GABRB2: variants seen among roughly 807,000 people sequenced by gnomAD.
GABRB2 encodes gamma-aminobutyric acid receptor subunit beta-2.
A neutral mutation model predicts 54.7 loss-of-function variants in GABRB2; 16 were observed. The ratio of observed to expected loss-of-function variants is 0.29; its 90% CI spans 0.20 to 0.44. GABRB2 has a LOEUF of 0.44. GABRB2 is among the 20% of genes least tolerant of loss of function. GABRB2 has a pLI of 1.00. For synonymous variants in GABRB2, 244 were observed against 233.8 expected (o/e 1.04, Z -0.40); for missense variants, 355 against 644.0 (o/e 0.55, Z 4.86).
chr5:161,506,216 G>A (rs954635424), intron 3 of GABRB2, among the ~76,000 whole-genome samples: 1 of 151,868 alleles, frequency 6.6e-6, no homozygotes, highest in Non-Finnish European at 1.5e-5. Flanking sequence ...TTTAACAAAT[G>A]GGCAAAACCT....
intron 9 of GABRB2, among the ~76,000 whole-genome samples, chr5:161,323,190 T>G (rs1758263940): frequency 1.3e-5 from 2 of 152,066 alleles, no homozygotes. Flanking sequence ...CCCAGCTAAT[T>G]TTTTGTATCT....
intron 5 of GABRB2, among the ~76,000 whole-genome samples, chr5:161,360,096 G>A (rs538349863): frequency 4.0e-5 from 6 of 148,306 alleles, no homozygotes; most frequent in Non-Finnish European, 6.0e-5. Context: ...AAAAAAAATT[G>A]TAAAAAGATT....
intron 3 of GABRB2, among the ~76,000 whole-genome samples, chr5:161,537,725 C>T (rs1160194626): frequency 2.0e-5 from 3 of 152,124 alleles, no homozygotes. Context: ...TCTGTTCATG[C>T]AATTCTATTG....
At position 161,331,142 on chromosome 5, in the gene GABRB2, G is replaced by A; in HGVS notation, c.833-15C>T. 1 of 1,531,260 alleles carries A rather than the reference G, an allele frequency of 6.5e-7. No individual in the cohort carries two copies. The highest frequency in any genetic ancestry group is 8.8e-7 in the Non-Finnish European group (1 of 1,139,336). 94.9% of individuals were successfully genotyped at this position (1,531,260 alleles called of 1,614,324 possible). A position where few individuals can be genotyped will look rare whatever the true frequency, so the allele number is the denominator to read the frequency against. On this transcript the variant is annotated splice_polypyrimidine_tract_variant and intron_variant, in intron 7 of 9. Coordinates refer to ENST00000393959, the MANE Select transcript of GABRB2 (RefSeq NM_001371727.1). ...AGTTGTGATTCCTGAAAAAAAATGGGAGAGTTAGAGTAATAATGTTCCTAT... is the reference window on the plus strand; with the variant it reads ...AGTTGTGATTCCTGAAAAAAAATGGAAGAGTTAGAGTAATAATGTTCCTAT...
chr5:161,368,396 C>T (rs1367693398), intron 5 of GABRB2, among the ~76,000 whole-genome samples: 1 of 152,136 alleles, frequency 6.6e-6, no homozygotes, highest in Non-Finnish European at 1.5e-5. Flanking sequence ...TGGAATAACA[C>T]ATTCAGCAAG....
rs143111724 is a variant in GABRB2, at chr5:161,307,881, C to A, written c.1192-13453G>T. On this transcript the variant is annotated intron_variant, in intron 9 of 9. Transcript: ENST00000393959. ...ACTAATTCTTTTTTTTTTTTTTTGA[C>A]CGAGTCTCGCTCTGTTGCCCAGGCT... 7.2e-3 allele frequency among the ~76,000 whole-genome samples: 1,024 copies of A among 143,064 alleles called. 8 individuals are homozygous for A. The highest frequency in any genetic ancestry group is 0.013 in the Non-Finnish European group (824 of 65,494). 93.9% of individuals were successfully genotyped at this position (143,064 alleles called of 152,430 possible).
intron 5 of GABRB2, among the ~76,000 whole-genome samples, chr5:161,396,794 TA>T (rs1166813848): frequency 1.3e-5 from 2 of 152,166 alleles, no homozygotes; most frequent in Non-Finnish European, 2.9e-5. Flanking sequence ...AATAAAGTTA[TA>T]AAAAATAGCT....
chr5:161,430,276 C>T (rs1332693445), intron 4 of GABRB2, among the ~76,000 whole-genome samples: 1 of 152,190 alleles, frequency 6.6e-6, no homozygotes, highest in African/African-American at 2.4e-5. Context: ...GCCAGGATAT[C>T]TATGAGGTTT....
intron 9 of GABRB2, among the ~76,000 whole-genome samples, chr5:161,312,041 T>C (rs189504258): frequency 6.6e-6 from 1 of 152,012 alleles, no homozygotes; most frequent in Admixed American, 6.6e-5. Context: ...TGTGTGTGTG[T>C]GTGCTCCCCT....
chr5:161,497,496 C>T (rs1479140215), intron 3 of GABRB2, among the ~76,000 whole-genome samples: 1 of 150,142 alleles, frequency 6.7e-6, no homozygotes, highest in African/African-American at 2.5e-5. Flanking sequence ...AAATGCATTG[C>T]CATTTTGGAC....
chr5:161,462,798 T>C (rs1429361685), intron 3 of GABRB2, among the ~76,000 whole-genome samples: 4 of 152,156 alleles, frequency 2.6e-5, no homozygotes, highest in South Asian at 2.1e-4. Context: ...ATCATGACAC[T>C]GTCAAGAAAG....
chr5:161,446,581 T>G (rs183642401), intron 4 of GABRB2, among the ~76,000 whole-genome samples: 1 of 152,242 alleles, frequency 6.6e-6, no homozygotes, highest in African/African-American at 2.4e-5. Flanking sequence ...TTGGAACCTA[T>G]CCCCATCTTT....
At chr5:161,375,469 C>G (rs1264053471) in intron 5 of GABRB2, among the ~76,000 whole-genome samples, 1 of 152,140 alleles carries the variant, frequency 6.6e-6, no homozygotes, top group Non-Finnish European at 1.5e-5. Flanking sequence ...GCATTTCCTA[C>G]TTCTCTCATG....
intron 4 of GABRB2, among the ~76,000 whole-genome samples, chr5:161,452,629 A>T (rs1014076444): frequency 6.6e-6 from 1 of 152,114 alleles, no homozygotes; most frequent in Non-Finnish European, 1.5e-5. Context: ...AGAAGCACAA[A>T]CCCCAGCATT....
At chr5:161,515,989 G>A (rs1004823897) in intron 3 of GABRB2, among the ~76,000 whole-genome samples, 5 of 152,130 alleles carry the variant, frequency 3.3e-5, no homozygotes, top group African/African-American at 9.7e-5. Context: ...GCTTCATGGA[G>A]GTTTGTCAAG....
chr5:161,357,936 A>C (rs546645359), intron 5 of GABRB2, among the ~76,000 whole-genome samples: 14 of 147,124 alleles, frequency 9.5e-5, no homozygotes, highest in Non-Finnish European at 2.0e-4. Flanking sequence ...TTAATACACA[A>C]AGCTTGGCAT....
intron 3 of GABRB2, among the ~76,000 whole-genome samples, chr5:161,479,277 G>A: frequency 6.6e-6 from 1 of 152,102 alleles, no homozygotes; most frequent in East Asian, 1.9e-4. Flanking sequence ...GCACAAACAG[G>A]CCAGGATTGT....
intron 5 of GABRB2, among the ~76,000 whole-genome samples, chr5:161,342,893 A>C (rs556002538): frequency 6.6e-6 from 1 of 152,138 alleles, no homozygotes; most frequent in Non-Finnish European, 1.5e-5. Context: ...GGGAAGCAGC[A>C]TGATTGAATG....
rs148119731 is a variant in GABRB2, at chr5:161,412,057, G to A, written c.459-1000C>T. On this transcript the variant is annotated intron_variant, in intron 4 of 9. Coordinates refer to ENST00000393959, the MANE Select transcript of GABRB2 (RefSeq NM_001371727.1). ...ACTTTAGCTTACTGTAGTGTGAGGG[G>A]CACTATACTATGTGTTGGGAACACA... Among the ~76,000 whole-genome samples the A allele has an allele frequency of 5.2e-3, 795 of 152,234 alleles. 1 individual carries two copies. Among genetic ancestry groups the A allele is most frequent in the Middle Eastern group, 0.014 (4 of 294 alleles).
Sources: allele counts gnomAD v4.1 joint callset (sites outside exome capture counted in the v4.1 genomes callset), GRCh38; gene constraint gnomAD v4.1.1; transcripts MANE v1.5; gene names NCBI Gene and HGNC (gene_info 2026-07-23, HGNC 2026-07-21).